The following ABCC8 variants were observed in gnomAD, a reference collection of about 807,000 sequenced individuals.
The protein encoded by ABCC8 is ATP binding cassette subfamily C member 8, also known as ATP-binding cassette sub-family C member 8.
Under a neutral mutation model 188.0 loss-of-function variants are expected in ABCC8, and 137 were observed. The ratio of observed to expected loss-of-function variants is 0.73; its 90% CI spans 0.63 to 0.84. ABCC8 has a LOEUF of 0.84. ABCC8 is among the 40% of genes least tolerant of loss of function. The pLI, the probability that ABCC8 is intolerant of heterozygous loss-of-function variation, is 0.00. For missense variants in ABCC8, 1,750 were observed against 2,072.7 expected, an observed-to-expected ratio of 0.84 and a Z score of 3.02; for synonymous variants, 797 against 846.5, an observed-to-expected ratio of 0.94 and a Z score of 1.01.
intron 8 of ABCC8, among the ~76,000 whole-genome samples, chr11:17,446,039 C>T (rs1386562579): frequency 6.6e-6 from 1 of 151,090 alleles, no homozygotes; most frequent in African/African-American, 2.4e-5. Context: ...GATCTCAGCT[C>T]ACCACAGTCT....
At position 17,397,274 on chromosome 11, in the gene ABCC8, C is replaced by T; in HGVS notation, c.3907G>A (p.Asp1303Asn). The change falls in exon 32 of 39, where the codon GAC (aspartate) becomes AAC (asparagine). Residue 1303 changes from aspartate to asparagine, a missense_variant. Asp to Asn is a conservative substitution (Grantham distance 23). Coordinates refer to ENST00000389817, the MANE Select transcript of ABCC8 (RefSeq NM_000352.6). Reference protein sequence around the residue: ...YLNWMVRNLADMELQLGAVKR... With the variant: ...YLNWMVRNLANMELQLGAVKR... ...ACAGCCCCCAGCTGGAGCTCCATGT[C>T]TGCCAGGTTCCTCACCATCCAGTTG... The T allele has an allele frequency of 6.2e-7, 1 of 1,613,332 alleles. No individual in the cohort carries two copies. The highest frequency in any genetic ancestry group is 8.5e-7 in the Non-Finnish European group (1 of 1,180,012).
chr11:17,430,605 T>C, intron 12 of ABCC8: 1 of 665,128 alleles, frequency 1.5e-6, no homozygotes. Flanking sequence ...TCCTGGGAGG[T>C]ATGTAAGCAA....
rs1257716455 is a variant in ABCC8, at chr11:17,441,643, G to T, written c.1630+1077C>A. 2.0e-5 allele frequency among the ~76,000 whole-genome samples: 3 copies of T among 152,060 alleles called. No homozygotes were observed. The East Asian group carries it at 5.8e-4, about 29-fold the overall frequency. On this transcript the variant is annotated intron_variant, in intron 10 of 38. Coordinates refer to ENST00000389817, the MANE Select transcript of ABCC8 (RefSeq NM_000352.6). ...ATGCACTTGGGAAGTAACCACCATG[G>T]GATGGGTCCACGGAGCCACGAGACC...
Position 17,448,832 on chromosome 11 carries a change from A to G in ABCC8, c.1177-161T>C, listed in dbSNP as rs570033963. On this transcript the variant is annotated intron_variant, in intron 7 of 38. Transcript: ENST00000389817. ...TACTGTATCACCGTTCCAACTTACTAGTCTACTCCAGCACAGCAAGCTACT... is the reference window on the plus strand; with the variant it reads ...TACTGTATCACCGTTCCAACTTACTGGTCTACTCCAGCACAGCAAGCTACT... The G allele has an allele frequency of 1.1e-4, 58 of 518,454 alleles. No homozygotes were observed. The African/African-American group carries it at 1.1e-3, about 10-fold the overall frequency. The allele number at this position is 518,454 out of a possible 1,614,324, so 32.1% of individuals were successfully genotyped here.
At chr11:17,473,067 C>T (rs756509205) in intron 2 of ABCC8, among the ~76,000 whole-genome samples, 2 of 152,166 alleles carry the variant, frequency 1.3e-5, no homozygotes, top group Non-Finnish European at 1.5e-5. Flanking sequence ...AATGTTTTAT[C>T]GTATGTTTAT....
intron 3 of ABCC8, chr11:17,465,309 A>G (rs565410248): frequency 6.6e-6 from 1 of 152,206 alleles, no homozygotes; most frequent in Non-Finnish European, 1.5e-5. Context: ...ACTTGAAAAT[A>G]TGCCTCATGC....
chr11:17,454,516 A>G (rs1342476983), intron 6 of ABCC8, among the ~76,000 whole-genome samples: 1 of 152,142 alleles, frequency 6.6e-6, no homozygotes, highest in Non-Finnish European at 1.5e-5. Flanking sequence ...CACCAGAGGG[A>G]GAGGCAGAGG....
In ABCC8 at chr11:17,407,456, A is replaced by G; in HGVS notation, c.2821-3T>C. On this transcript the variant is annotated splice_polypyrimidine_tract_variant and splice_region_variant and intron_variant, in intron 23 of 38. Transcript: ENST00000389817. ...GCTTTTCTCTCTGTGACAGTCTCCT[A>G]AAAGACAGATGTGGCCTGGGCAATG... 2 of 1,614,180 alleles carry G rather than the reference A, an allele frequency of 1.2e-6. No individual in the cohort carries two copies. Among genetic ancestry groups the G allele is most frequent in the South Asian group, 1.1e-5 (1 of 91,084 alleles).
At chr11:17,469,304 G>T (rs1848349863) in intron 3 of ABCC8, among the ~76,000 whole-genome samples, 1 of 151,934 alleles carries the variant, frequency 6.6e-6, no homozygotes. Context: ...TGTTGGTCAG[G>T]CTGGTCTCAA....
At chr11:17,416,073 A>T (rs764938614) in intron 17 of ABCC8, among the ~76,000 whole-genome samples, 3 of 152,246 alleles carry the variant, frequency 2.0e-5, no homozygotes, top group Non-Finnish European at 4.4e-5. Flanking sequence ...TGAGCCTGTC[A>T]TCACATACTG....
chr11:17,407,174 C>T, intron 24 of ABCC8, 45 bp from the exon 25 acceptor site: 1 of 1,600,470 alleles, frequency 6.2e-7, no homozygotes, highest in Non-Finnish European at 8.5e-7. Context: ...ATTTCCATCC[C>T]TCTGAGGGTG....
At chr11:17,457,886 GA>G (rs1432189260) in intron 6 of ABCC8, among the ~76,000 whole-genome samples, 20 of 152,156 alleles carry the variant, frequency 1.3e-4, no homozygotes, top group Non-Finnish European at 1.5e-5. Flanking sequence ...AGGCTGGGCA[GA>G]AAAAACGGCT....
At chr11:17,462,447 C>T (rs1957227439) in intron 4 of ABCC8, among the ~76,000 whole-genome samples, 1 of 152,202 alleles carries the variant, frequency 6.6e-6, no homozygotes, top group African/African-American at 2.4e-5. Context: ...AGGGTTTTCT[C>T]ACTCATTGCT....
At chr11:17,462,614 T>C (rs1249636947) in intron 4 of ABCC8, among the ~76,000 whole-genome samples, 2 of 152,240 alleles carry the variant, frequency 1.3e-5, no homozygotes. Flanking sequence ...ACACCATTAT[T>C]CATGAAGGCA....
At chr11:17,392,678 C>T, downstream of ABCC8, 1 of 407,036 alleles carries the variant, frequency 2.5e-6, no homozygotes, top group East Asian at 5.7e-5. Context: ...CTTCAGCCTC[C>T]AGAACTGTGA....
chr11:17,436,091 C>G, intron 10 of ABCC8: 1 of 863,812 alleles, frequency 1.2e-6, no homozygotes, highest in Admixed American at 1.7e-5. Flanking sequence ...GCTGTGATTC[C>G]CAAAGGAACA....
Position 17,461,795 on chromosome 11 carries a change from C to T in ABCC8, c.610G>A (p.Val204Met), listed in dbSNP as rs376754856. The T allele has an allele frequency of 6.2e-6, 10 of 1,614,002 alleles. No individual in the cohort carries two copies. The Admixed American group carries it at 1.0e-4, about 16-fold the overall frequency. The part of the protein sequence containing the change: ...RYIFFKTPRE[V>M]KPPEDLQDLG... ...TCTTGCAGGTCCTCGGGAGGCTTCA[C>T]CTCCCTCGGTGTCTTGAAGAAGATG... Residue 204 changes from valine to methionine, a missense_variant, in exon 5 of 39, where the codon GTG (valine) becomes ATG (methionine). Coordinates refer to ENST00000389817, the MANE Select transcript of ABCC8 (RefSeq NM_000352.6).
In ABCC8 at chr11:17,396,354, G is replaced by A. The variant is rs1024570010; in HGVS notation, c.4120-424C>T. ...TGATCCCGTTGCTTCCTGGCACTTG[G>A]GTACCAACAGAAATTACAATACGGA... On this transcript the variant is annotated intron_variant, in intron 33 of 38. Coordinates refer to ENST00000389817, the MANE Select transcript of ABCC8 (RefSeq NM_000352.6). The A allele has an allele frequency of 7.0e-5, 24 of 341,448 alleles. 1 individual carries two copies. The highest frequency in any genetic ancestry group is 1.2e-4 in the Admixed American group (3 of 24,374). The allele number at this position is 341,448 out of a possible 1,614,324, so 21.2% of individuals were successfully genotyped here.
chr11:17,396,644 C>A (rs923081293), intron 33 of ABCC8: 2 of 497,230 alleles, frequency 4.0e-6, no homozygotes, highest in Middle Eastern at 5.8e-4. Flanking sequence ...GAGGCCCTGA[C>A]AAAGCCCGTG....
Sources: gnomAD v4.1 joint callset for allele counts (sites outside exome capture counted in the v4.1 genomes callset) on GRCh38, gnomAD v4.1.1 for gene constraint, MANE v1.5 for transcripts, NCBI Gene and HGNC (gene_info 2026-07-23, HGNC 2026-07-21) for gene names.